Variants in DSE observed in about 807,000 individuals in gnomAD.
The protein encoded by DSE is dermatan-sulfate epimerase.
Under a neutral mutation model 84.4 loss-of-function variants are expected in DSE, and 36 were observed. That is an observed-to-expected ratio of 0.43 (90% CI 0.33 to 0.56). The LOEUF (loss-of-function observed/expected upper bound fraction) is 0.56, where lower values mean the gene tolerates loss of function less well. DSE is among the 20% of genes least tolerant of loss of function. The pLI is 0.06. For synonymous variants in DSE, 410 were observed against 430.1 expected (o/e 0.95, Z 0.58); for missense variants, 862 against 1,169.6 (o/e 0.74, Z 3.84).
intron 2 of DSE, among the ~76,000 whole-genome samples, chr6:116,418,942 T>C (rs190277886): frequency 5.9e-5 from 9 of 152,326 alleles, no homozygotes; most frequent in Admixed American, 3.3e-4. Flanking sequence ...ACAATGTACT[T>C]AGAGGCTTGG....
At position 116,276,204 on chromosome 6, in the gene DSE, T is replaced by A. The variant is rs529451801; in HGVS notation, c.-54+17237T>A. 5.9e-5 allele frequency among the ~76,000 whole-genome samples: 9 copies of A among 152,080 alleles called. No homozygotes were observed. In the South Asian group the frequency reaches 1.9e-3, roughly 32 times the overall value. ...TGAAGGATTTGACAGAAGAGAACAG[T>A]GAGGAAGTTTAAAGAAAAAAAGGAA... is the stretch of plus-strand genomic sequence containing the variant. On this transcript the variant is annotated intron_variant, in intron 2 of 3. Transcript: ENST00000430252.
intron 2 of DSE, among the ~76,000 whole-genome samples, chr6:116,402,051 A>G (rs1299488185): frequency 1.3e-5 from 2 of 152,186 alleles, no homozygotes; most frequent in Admixed American, 6.5e-5. Flanking sequence ...CATTTGATCA[A>G]CAAACGTTTA....
chr6:116,296,548 G>T (rs1774678715), intron 2 of DSE, among the ~76,000 whole-genome samples: 1 of 152,194 alleles, frequency 6.6e-6, no homozygotes, highest in Non-Finnish European at 1.5e-5. Flanking sequence ...CTAAGGTTTT[G>T]TGTGGAGGTG....
At chr6:116,293,835 C>T (rs1356001772) in intron 2 of DSE, among the ~76,000 whole-genome samples, 4 of 151,790 alleles carry the variant, frequency 2.6e-5, no homozygotes, top group Non-Finnish European at 5.9e-5. Flanking sequence ...GAGCTATGAT[C>T]ACGCCACTGC....
intron 2 of DSE, among the ~76,000 whole-genome samples, chr6:116,272,038 GCTAGTGAATTTCATATA>G (rs2114615976): frequency 6.6e-6 from 1 of 152,236 alleles, no homozygotes; most frequent in South Asian, 2.1e-4. Context: ...AGTTTTCTAT[GCTAGTGAATTTCATATA>G]CATGGAATCA....
chr6:116,386,683 A>G (rs1780594744), intron 1 of DSE, among the ~76,000 whole-genome samples: 1 of 152,240 alleles, frequency 6.6e-6, no homozygotes, highest in Non-Finnish European at 1.5e-5. Flanking sequence ...ATCATGAGTC[A>G]TCTAGTTAAC....
At chr6:116,299,543 TATATATATACACATACAC>T (rs1774894950) in intron 2 of DSE, among the ~76,000 whole-genome samples, 1 of 27,458 alleles carries the variant, frequency 3.6e-5, no homozygotes, top group African/African-American at 2.1e-4. Context: ...TATATATATA[TATATATATACACATACAC>T]ACACACACAC....
At chr6:116,325,876 T>G (rs1776587357) in intron 2 of DSE, among the ~76,000 whole-genome samples, 1 of 152,138 alleles carries the variant, frequency 6.6e-6, no homozygotes, top group South Asian at 2.1e-4. Context: ...TGAGCAATTC[T>G]CCTCCCTTTT....
chr6:116,256,890 T>C (rs1357454318), intron 1 of DSE: 1 of 152,164 alleles, frequency 6.6e-6, no homozygotes, highest in African/African-American at 2.4e-5. Flanking sequence ...GCAATAAACC[T>C]TACTAAGCAG....
chr6:116,278,644 A>G (rs1315981272), intron 2 of DSE: 1 of 1,614,200 alleles, frequency 6.2e-7, no homozygotes, highest in East Asian at 2.2e-5. Context: ...ATCCTCTTTA[A>G]TAATCTCAGC....
At chr6:116,380,616 C>T (rs1341370867) in intron 1 of DSE, among the ~76,000 whole-genome samples, 6 of 152,114 alleles carry the variant, frequency 3.9e-5, no homozygotes, top group Non-Finnish European at 8.8e-5. Context: ...CACTTATCTC[C>T]ATTGATGACA....
chr6:116,285,594 C>A (rs191275626), intron 2 of DSE, among the ~76,000 whole-genome samples: 7 of 152,234 alleles, frequency 4.6e-5, no homozygotes, highest in Admixed American at 4.6e-4. Context: ...AAATCCTTGC[C>A]CATGCCTATG....
Position 116,436,707 on chromosome 6 carries a change from C to G in DSE, c.2239C>G (p.Gln747Glu). Residue 747 changes from glutamine (Q) to glutamate (E), a missense_variant, in exon 6 of 6, where the codon CAG becomes GAG. This residue lies in a region of DSE where 315 missense variants were observed against 348.1 expected (regional missense o/e 0.90). Coordinates refer to ENST00000644252, the MANE Select transcript of DSE (RefSeq NM_013352.4). Reference sequence around the variant, plus strand: ...TGCTGCTATTGTGGAACAGAACTTGCAGCATTTTAAACCAGTGTTTCAGCT... The same window carrying G: ...TGCTGCTATTGTGGAACAGAACTTGGAGCATTTTAAACCAGTGTTTCAGCT... ...DYAAIVEQNL[Q>E]HFKPVFQLLE... 1.2e-6 allele frequency: 2 copies of G among 1,614,160 alleles called. No homozygotes were observed. The highest frequency in any genetic ancestry group is 1.7e-6 in the Non-Finnish European group (2 of 1,180,020).
intron 1 of DSE, among the ~76,000 whole-genome samples, chr6:116,383,008 AG>A (rs1780338329): frequency 6.6e-6 from 1 of 152,196 alleles, no homozygotes; most frequent in Non-Finnish European, 1.5e-5. Flanking sequence ...GGAATTGAAG[AG>A]GCTGCCTCCA....
chr6:116,285,205 C>T (rs543673801), intron 2 of DSE, among the ~76,000 whole-genome samples: 190 of 152,194 alleles, frequency 1.2e-3, no homozygotes, highest in Non-Finnish European at 2.2e-3. Context: ...TTTTAATGAT[C>T]GCCATTCTAA....
rs371232985 is a variant in DSE at position 116,391,512 on chromosome 6, A to G, written c.-53-7686A>G. Among the ~76,000 whole-genome samples the G allele has an allele frequency of 8.5e-5, 13 of 152,316 alleles. No individual in the cohort carries two copies. The East Asian group carries it at 2.3e-3, about 27-fold the overall frequency. On this transcript the variant is annotated intron_variant, in intron 1 of 5. Transcript: ENST00000644252. ...CCAGGCACTGTGGCTCACGCCTGTA[A>G]TCCCAGCACTTAGGGAGGCTGAGGC...
At chr6:116,259,691 G>A (rs892203943) in intron 2 of DSE, among the ~76,000 whole-genome samples, 1 of 152,038 alleles carries the variant, frequency 6.6e-6, no homozygotes, top group Admixed American at 6.6e-5. Context: ...TGTGTTGTTC[G>A]TCCATGTGTT....
chr6:116,403,189 G>A (rs1253709107), intron 2 of DSE, among the ~76,000 whole-genome samples: 3 of 152,040 alleles, frequency 2.0e-5, no homozygotes, highest in East Asian at 1.9e-4. Context: ...AGAGGTGCTC[G>A]CATCCTATCT....
At chr6:116,404,327 A>G (rs1781782534) in intron 2 of DSE, among the ~76,000 whole-genome samples, 1 of 152,254 alleles carries the variant, frequency 6.6e-6, no homozygotes, top group South Asian at 2.1e-4. Flanking sequence ...GAATGCATTT[A>G]AAAGAGGTTT....
Sources: gnomAD v4.1 joint callset for allele counts (sites outside exome capture counted in the v4.1 genomes callset) on GRCh38, gnomAD v4.1.1 for gene constraint, gnomAD v4.1.1 regional missense constraint, MANE v1.5 for transcripts, NCBI Gene and HGNC (gene_info 2026-07-23, HGNC 2026-07-21) for gene names.